The following SP4 variants were observed in gnomAD, a reference collection of about 807,000 sequenced individuals.
SP4 encodes transcription factor Sp4.
A neutral mutation model predicts 72.8 loss-of-function variants in SP4; 19 were observed. The ratio of observed to expected loss-of-function variants is 0.26; its 90% confidence interval spans 0.18 to 0.38. The LOEUF (loss-of-function observed/expected upper bound fraction) is 0.38, where lower values mean the gene tolerates loss of function less well. SP4 is among the 10% of genes least tolerant of loss of function. The pLI is 1.00. For missense variants in SP4, 1,008 were observed against 926.3 expected (o/e 1.09, Z -1.14); for synonymous variants, 395 against 333.1 (o/e 1.19, Z -2.02).
At chr7:21,452,269 C>T (rs970166701) in intron 3 of SP4, among the ~76,000 whole-genome samples, 4 of 152,206 alleles carry the variant, frequency 2.6e-5, no homozygotes, top group African/African-American at 9.7e-5. Flanking sequence ...GCATAAAGCA[C>T]AGCAAGAATA....
At chr7:21,439,014 C>A (rs940513495) in intron 3 of SP4, among the ~76,000 whole-genome samples, 4 of 151,778 alleles carry the variant, frequency 2.6e-5, no homozygotes, top group African/African-American at 9.7e-5. Flanking sequence ...AACTTTATCA[C>A]AGGTATGTAT....
chr7:21,488,435 C>T (rs1261690431), intron 5 of SP4, among the ~76,000 whole-genome samples: 1 of 150,214 alleles, frequency 6.7e-6, no homozygotes, highest in South Asian at 2.1e-4. Context: ...TTCTAGTTTG[C>T]AGACATTTGA....
chr7:21,429,486 C>T lies in SP4; in HGVS notation c.321C>T (p.Ser107=). Residue 107 remains serine (S), a synonymous_variant, in exon 3 of 6, where the codon TCC becomes TCT. Coordinates refer to ENST00000222584, the MANE Select transcript of SP4 (RefSeq NM_003112.5). The stretch of plus-strand genomic sequence containing the variant: ...GAAACGCTTGGCAACTTGTTGCCTC[C>T]ACTCCTCCTGCTTCAAAAGAGAATA... ...LAGNAWQLVA[S]TPPASKENNV... 2 of 1,614,180 alleles carry T rather than the reference C, an allele frequency of 1.2e-6. No individual in the cohort carries two copies. Among genetic ancestry groups the T allele is most frequent in the Non-Finnish European group, 1.7e-6 (2 of 1,180,032 alleles).
chr7:21,490,902 T>C (rs1562622533), intron 5 of SP4, among the ~76,000 whole-genome samples: 1 of 152,270 alleles, frequency 6.6e-6, no homozygotes, highest in Non-Finnish European at 1.5e-5. Flanking sequence ...GAACTTTTAG[T>C]CTGAACCTAA....
Position 21,498,873 on chromosome 7 carries a change from C to G in SP4, c.2108-12149C>G, listed in dbSNP as rs534585842. The stretch of plus-strand genomic sequence containing the variant: ...GGCCGAGGCAGGCGGATCATGAGGT[C>G]AGGAGATCGAGACCATCCTGGCTAA... On this transcript the variant is annotated intron_variant, in intron 5 of 5. Transcript: ENST00000222584. Among the ~76,000 whole-genome samples, 3 of 152,068 alleles carry G rather than the reference C, an allele frequency of 2.0e-5. No homozygotes were observed. In the East Asian group the frequency reaches 5.8e-4, roughly 29 times the overall value.
intron 3 of SP4, among the ~76,000 whole-genome samples, chr7:21,456,545 CAG>C (rs1435562784): frequency 6.6e-6 from 1 of 152,174 alleles, no homozygotes; most frequent in Non-Finnish European, 1.5e-5. Flanking sequence ...ACATGAATAA[CAG>C]GGAGTGTGTG....
At chr7:21,468,135 C>A (rs1424889593) in intron 3 of SP4, among the ~76,000 whole-genome samples, 1 of 152,138 alleles carries the variant, frequency 6.6e-6, no homozygotes, top group African/African-American at 2.4e-5. Context: ...TTTGTGTACA[C>A]ACACGCATCT....
At chr7:21,440,046 A>G (rs1783191345) in intron 3 of SP4, among the ~76,000 whole-genome samples, 1 of 152,244 alleles carries the variant, frequency 6.6e-6, no homozygotes, top group Non-Finnish European at 1.5e-5. Context: ...GTGCTTGATC[A>G]GAGGTATGGT....
intron 3 of SP4, among the ~76,000 whole-genome samples, chr7:21,439,314 T>C (rs975274198): frequency 1.3e-5 from 1 of 75,950 alleles, no homozygotes; most frequent in African/African-American, 1.0e-4. Context: ...CAAATCTGTA[T>C]GCCTTTTTTT....
At chr7:21,487,550 CATT>C (rs756845106) in intron 5 of SP4, among the ~76,000 whole-genome samples, 1 of 151,696 alleles carries the variant, frequency 6.6e-6, no homozygotes, top group South Asian at 2.1e-4. Flanking sequence ...TGTATTCCAT[CATT>C]GTTGGTGGGT....
At chr7:21,451,526 T>C (rs1482507793) in intron 3 of SP4, among the ~76,000 whole-genome samples, 2 of 152,008 alleles carry the variant, frequency 1.3e-5, no homozygotes, top group Admixed American at 6.6e-5. Flanking sequence ...ACAGGGATGA[T>C]GGTGGTTGTT....
chr7:21,460,479 C>T (rs1783924387), intron 3 of SP4, among the ~76,000 whole-genome samples: 1 of 152,076 alleles, frequency 6.6e-6, no homozygotes, highest in Admixed American at 6.5e-5. Context: ...CAGTGTGGAC[C>T]CAAAGAGTGA....
intron 3 of SP4, among the ~76,000 whole-genome samples, chr7:21,437,781 T>G (rs1272851297): frequency 1.3e-5 from 2 of 152,190 alleles, no homozygotes; most frequent in Admixed American, 6.5e-5. Context: ...GAGAGTAGAA[T>G]AAAGCTTCTG....
Position 21,430,195 on chromosome 7 carries a change from A to G in SP4, c.1030A>G (p.Thr344Ala). Residue 344 changes from threonine (T) to alanine (A), a missense_variant, in exon 3 of 6, where the codon ACT becomes GCT. Coordinates refer to ENST00000222584, the MANE Select transcript of SP4 (RefSeq NM_003112.5). ...SSDTLVSSADTGQYASTSASS... is the reference protein window; with the variant it reads ...SSDTLVSSADAGQYASTSASS... ...TGACACATTAGTGAGCTCAGCAGAT[A>G]CTGGCCAGTATGCAAGCACATCAGC... 2.5e-6 allele frequency: 4 copies of G among 1,614,220 alleles called. No individual in the cohort carries two copies. The highest frequency in any genetic ancestry group is 3.4e-6 in the Non-Finnish European group (4 of 1,180,036).
intron 5 of SP4, among the ~76,000 whole-genome samples, chr7:21,498,349 T>C (rs921043157): frequency 1.3e-5 from 2 of 152,182 alleles, no homozygotes; most frequent in Non-Finnish European, 2.9e-5. Context: ...ATCAAATGAT[T>C]TGGGGATCTA....
At chr7:21,482,608 C>T (rs1217504914) in intron 5 of SP4, 1 of 973,386 alleles carries the variant, frequency 1.0e-6, no homozygotes, top group Non-Finnish European at 1.2e-6. Context: ...TTTTCAAATA[C>T]AGCAAAGCAG....
chr7:21,472,244 C>A (rs1238625044), intron 3 of SP4, among the ~76,000 whole-genome samples: 1 of 151,840 alleles, frequency 6.6e-6, no homozygotes, highest in Non-Finnish European at 1.5e-5. Flanking sequence ...GGAGAGTGGC[C>A]TAGGAAGAGT....
At chr7:21,472,062 T>C (rs1784360599) in intron 3 of SP4, among the ~76,000 whole-genome samples, 1 of 152,168 alleles carries the variant, frequency 6.6e-6, no homozygotes, top group Admixed American at 6.5e-5. Flanking sequence ...GGTTCTTAGA[T>C]TGCTTGTGAG....
intron 3 of SP4, among the ~76,000 whole-genome samples, chr7:21,472,975 A>G (rs1008451432): frequency 6.6e-6 from 1 of 152,206 alleles, no homozygotes; most frequent in Admixed American, 6.5e-5. Flanking sequence ...AAGACTGTGA[A>G]CCAGGAGCTG....
Sources: gnomAD v4.1 joint callset for allele counts (sites outside exome capture counted in the v4.1 genomes callset) on GRCh38, gnomAD v4.1.1 for gene constraint, MANE v1.5 for transcripts, NCBI Gene and HGNC (gene_info 2026-07-23, HGNC 2026-07-21) for gene names.